Variants in CNTN1 observed in about 807,000 individuals in gnomAD.
The protein encoded by CNTN1 is contactin-1.
A neutral mutation model predicts 126.4 loss-of-function variants in CNTN1; 38 were observed. That is an observed-to-expected ratio of 0.30 (90% CI 0.23 to 0.39). The LOEUF (loss-of-function observed/expected upper bound fraction) is 0.39. Among genes scored for constraint, CNTN1 ranks in the 10% least tolerant of loss-of-function variants. The probability of loss-of-function intolerance (pLI) is 1.00; values close to 1 mark genes in which losing one functional copy is unlikely to be tolerated. For missense variants in CNTN1, 1,009 were observed against 1,248.4 expected (o/e 0.81, Z 2.89); for synonymous variants, 413 against 422.6 (o/e 0.98, Z 0.28).
chr12:40,902,465 T>A (rs1944642696), intron 1 of CNTN1, among the ~76,000 whole-genome samples: 1 of 152,196 alleles, frequency 6.6e-6, no homozygotes, highest in African/African-American at 2.4e-5. Context: ...GTGAATGTTG[T>A]TCAACATCAA....
chr12:40,993,373 T>C, intron 17 of CNTN1, 104 bp downstream of exon 17: 1 of 964,134 alleles, frequency 1.0e-6, no homozygotes, highest in Non-Finnish European at 1.6e-6. Flanking sequence ...AGGTAAGTGA[T>C]TCATCTGAAA....
intron 1 of CNTN1, among the ~76,000 whole-genome samples, chr12:40,898,087 T>A (rs964793102): frequency 3.3e-5 from 5 of 152,190 alleles, no homozygotes; most frequent in Non-Finnish European, 2.9e-5. Flanking sequence ...AACAATAATT[T>A]GTTTTTAGTA....
chr12:40,830,926 TATAC>T (rs1941802632), intron 1 of CNTN1, among the ~76,000 whole-genome samples: 1 of 99,768 alleles, frequency 1.0e-5, no homozygotes, highest in Non-Finnish European at 2.1e-5. Context: ...GGTAGTTACA[TATAC>T]ATATACATAT....
chr12:41,042,357 AGGTGT>A (rs1949435257), intron 23 of CNTN1, among the ~76,000 whole-genome samples: 1 of 151,990 alleles, frequency 6.6e-6, no homozygotes, highest in African/African-American at 2.4e-5. Flanking sequence ...ATTTTGGAAT[AGGTGT>A]GGTGTGGTGC....
chr12:41,065,041 A>G (rs1672669066), intron 23 of CNTN1, among the ~76,000 whole-genome samples: 1 of 152,050 alleles, frequency 6.6e-6, no homozygotes, highest in East Asian at 1.9e-4. Context: ...ACAGGCACTC[A>G]TTGCTTGCTT....
intron 1 of CNTN1, among the ~76,000 whole-genome samples, chr12:40,838,587 C>G (rs1045986431): frequency 6.6e-6 from 1 of 152,164 alleles, no homozygotes; most frequent in Non-Finnish European, 1.5e-5. Flanking sequence ...ACTGGCCCAC[C>G]TGATATCCTA....
At chr12:40,915,532 T>C (rs1473353050) in intron 3 of CNTN1, among the ~76,000 whole-genome samples, 2 of 152,122 alleles carry the variant, frequency 1.3e-5, no homozygotes, top group African/African-American at 2.4e-5. Context: ...TAGGAAGTCA[T>C]ATTTAATCAC....
chr12:40,716,399 CCTT>C (rs1348665748), intron 1 of CNTN1, among the ~76,000 whole-genome samples: 10 of 148,108 alleles, frequency 6.8e-5, no homozygotes, highest in Non-Finnish European at 1.5e-4. Context: ...TTTTTCTCCT[CCTT>C]CTCCTTCTCC....
chr12:40,785,271 T>C (rs765371182), intron 1 of CNTN1, among the ~76,000 whole-genome samples: 12 of 152,166 alleles, frequency 7.9e-5, no homozygotes, highest in Non-Finnish European at 1.3e-4. Flanking sequence ...TTCTGTAGGC[T>C]GTACAGGAAG....
At chr12:40,903,918 A>T (rs537665991) in intron 1 of CNTN1, among the ~76,000 whole-genome samples, 1 of 152,238 alleles carries the variant, frequency 6.6e-6, no homozygotes, top group Non-Finnish European at 1.5e-5. Flanking sequence ...AAATATTGAT[A>T]CTTAAAATAT....
chr12:40,773,367 G>A (rs1210616147), intron 1 of CNTN1, among the ~76,000 whole-genome samples: 1 of 151,536 alleles, frequency 6.6e-6, no homozygotes, highest in Non-Finnish European at 1.5e-5. Flanking sequence ...CTGTACAACA[G>A]TGAGGATTCA....
At chr12:40,963,318 ATAACT>A (rs1947173536) in intron 15 of CNTN1, among the ~76,000 whole-genome samples, 1 of 152,072 alleles carries the variant, frequency 6.6e-6, no homozygotes, top group Admixed American at 6.6e-5. Context: ...TGACATTTAA[ATAACT>A]TATAGAAGAT....
intron 16 of CNTN1, among the ~76,000 whole-genome samples, chr12:40,987,448 A>T (rs996189654): frequency 6.6e-6 from 1 of 152,166 alleles, no homozygotes; most frequent in Non-Finnish European, 1.5e-5. Flanking sequence ...TCGTTGTTAG[A>T]AAATTGTGTT....
At chr12:41,047,122 A>G (rs780407605) in intron 23 of CNTN1, among the ~76,000 whole-genome samples, 1 of 151,712 alleles carries the variant, frequency 6.6e-6, no homozygotes, top group Non-Finnish European at 1.5e-5. Flanking sequence ...CCCATCCCCA[A>G]CATTCACCCT....
chr12:40,711,150 C>T (rs1453982650), intron 1 of CNTN1, among the ~76,000 whole-genome samples: 1 of 152,110 alleles, frequency 6.6e-6, no homozygotes, highest in Non-Finnish European at 1.5e-5. Context: ...TGGATCTCAA[C>T]TTTCCACAAC....
chr12:40,996,334 T>C (rs1948218278), intron 17 of CNTN1, among the ~76,000 whole-genome samples: 1 of 152,072 alleles, frequency 6.6e-6, no homozygotes, highest in African/African-American at 2.4e-5. Context: ...GGTTTCTCCA[T>C]GTTGCCCAGC....
At chr12:40,744,344 A>G (rs1938087081) in intron 1 of CNTN1, among the ~76,000 whole-genome samples, 1 of 152,098 alleles carries the variant, frequency 6.6e-6, no homozygotes, top group Non-Finnish European at 1.5e-5. Flanking sequence ...ACGGAGATGA[A>G]TGCATGAAGG....
chr12:40,903,792 C>T (rs192117404), intron 1 of CNTN1, among the ~76,000 whole-genome samples: 2 of 152,142 alleles, frequency 1.3e-5, no homozygotes, highest in Non-Finnish European at 2.9e-5. Flanking sequence ...TGGAATAACA[C>T]AGAGAGGCTC....
chr12:40,975,484 A>T (rs1025151111), intron 15 of CNTN1, among the ~76,000 whole-genome samples: 1 of 151,960 alleles, frequency 6.6e-6, no homozygotes, highest in Non-Finnish European at 1.5e-5. Context: ...ACTTGTTTTT[A>T]GTCAACTTTG....
Sources: allele counts gnomAD v4.1 joint callset (sites outside exome capture counted in the v4.1 genomes callset), GRCh38; gene constraint gnomAD v4.1.1; transcripts MANE v1.5; gene names NCBI Gene and HGNC (gene_info 2026-07-23, HGNC 2026-07-21).